ARHGAP4: variants seen among roughly 807,000 people sequenced by gnomAD.
ARHGAP4 encodes the protein rho GTPase-activating protein 4.
Under a neutral mutation model 67.6 loss-of-function variants are expected in ARHGAP4, and 25 were observed. That is an observed-to-expected ratio of 0.37 (90% CI 0.27 to 0.52). The LOEUF is 0.52. Among genes scored for constraint, ARHGAP4 ranks in the 20% least tolerant of loss-of-function variants. ARHGAP4 has a pLI of 0.92. For missense variants in ARHGAP4, 804 were observed against 854.6 expected (o/e 0.94, Z 0.74); for synonymous variants, 448 against 373.7 (o/e 1.20, Z -2.29).
chrX:153,920,846 G>C (rs782005919), intron 4 of ARHGAP4, 38 bp from the exon 5 acceptor site: 4 of 1,203,328 alleles, frequency 3.3e-6, no homozygotes, highest in Non-Finnish European at 4.5e-6. Context: ...GCTGGTGAAG[G>C]CCACGGCTGG....
rs377447314 is a variant in ARHGAP4, at chrX:153,919,239, C to T, written c.726G>A (p.Ala242=). The T allele has an allele frequency of 1.3e-4, 153 of 1,210,956 alleles. No homozygotes were observed. Among genetic ancestry groups the T allele is most frequent in the Non-Finnish European group, 1.5e-4 (137 of 895,393 alleles). ...CCAGGCTAAGCAGGTACTCGTTGCG[C>T]GCCTTTGTGCACTTGAGTTTGTGCT... is the stretch of plus-strand genomic sequence containing the variant. ...FMEHKLKCTK[A]RNEYLLSLAS... The change falls in exon 6 of 22, where the codon GCG becomes GCA. Residue 242 remains alanine (A), a synonymous_variant. Coordinates refer to ENST00000350060, the MANE Select transcript of ARHGAP4 (RefSeq NM_001666.5).
chrX:153,912,659 A>T, intron 12 of ARHGAP4, 41 bp downstream of exon 12: 1 of 1,099,348 alleles, frequency 9.1e-7, no homozygotes, highest in South Asian at 1.9e-5. Context: ...AAGAAAGATC[A>T]GCATGTACAG....
chrX:153,908,968 G>T, intron 21 of ARHGAP4, 102 bp downstream of exon 21: 1 of 878,872 alleles, frequency 1.1e-6, no homozygotes, highest in Non-Finnish European at 1.6e-6. Context: ...AGGCCAGGGA[G>T]GGCAACGACT....
chrX:153,908,478 C>T (rs1366215996), intron 21 of ARHGAP4, among the ~76,000 whole-genome samples: 2 of 112,145 alleles, frequency 1.8e-5, no homozygotes, highest in African/African-American at 6.5e-5. Flanking sequence ...ACGTTCAGCC[C>T]GACAGTGTTC....
At position 153,919,172 on chromosome X, in the gene ARHGAP4, C is replaced by T. The variant is rs1442415313; in HGVS notation, c.793G>A (p.Val265Ile). The T allele has an allele frequency of 1.7e-5, 21 of 1,210,898 alleles. No homozygotes were observed. Among genetic ancestry groups the T allele is most frequent in the African/African-American group, 3.5e-5 (2 of 57,446 alleles). Residue 265 changes from valine to isoleucine, a missense_variant, in exon 6 of 22, where the codon GTC becomes ATC. Val to Ile is a conservative substitution (Grantham distance 29). Around this residue, in one of 2 missense-constraint regions of ARHGAP4, gnomAD observed 404 missense variants for 505.9 expected, o/e 0.80. Transcript: ENST00000350060. ...AAVSNYYLHD[V>I]LDLMDCCDTG... ...GGACTCACGTCCATGAGGTCCAAGA[C>T]GTCATGCAGGTAGTAGTTACTGACA...
At chrX:153,922,003 C>T (rs2065098784) in intron 1 of ARHGAP4, 194 bp from the exon 2 acceptor site, 13 of 845,848 alleles carry the variant, frequency 1.5e-5, no homozygotes, top group South Asian at 2.8e-5. Context: ...GCAGATCTGG[C>T]CTCAGCTGTC....
chrX:153,911,832 G>C (rs953344751), intron 12 of ARHGAP4, among the ~76,000 whole-genome samples: 2 of 110,579 alleles, frequency 1.8e-5, no homozygotes, highest in Non-Finnish European at 3.8e-5. Context: ...AACCCCAGCA[G>C]GTGGGAGGTG....
chrX:153,926,217 C>T lies in ARHGAP4; in HGVS notation c.-15G>A. 2.5e-6 allele frequency: 3 copies of T among 1,182,033 alleles called. No homozygotes were observed. Among genetic ancestry groups the T allele is most frequent in the Non-Finnish European group, 3.4e-6 (3 of 880,474 alleles). On this transcript the variant is annotated 5_prime_UTR_variant, in exon 1 of 22. Coordinates refer to ENST00000350060, the MANE Select transcript of ARHGAP4 (RefSeq NM_001666.5). ...TGAGCGGCCATGGCGGCCTCGCGGC[C>T]GCGCCGTCGAACCCCACTGCTCCCA...
rs144563647 is a variant in ARHGAP4 at position 153,915,184 on chromosome X, G to A, written c.1033-1305C>T. Among the ~76,000 whole-genome samples the A allele has an allele frequency of 0.073, 7,215 of 99,408 alleles. 398 individuals are homozygous for A. The highest frequency in any genetic ancestry group is 0.18 in the African/African-American group (5,095 of 27,797). 86.3% of individuals were successfully genotyped at this position (99,408 alleles called of 115,157 possible). On this transcript the variant is annotated intron_variant, in intron 7 of 21. Transcript: ENST00000350060. ...CTGTGAGGGGCCTCAAAGGAGAGCC[G>A]TGAACTCTGTAGAGACGGACAGTGG...
chrX:153,922,663 G>A (rs1395980016), intron 1 of ARHGAP4, among the ~76,000 whole-genome samples: 7 of 112,250 alleles, frequency 6.2e-5, no homozygotes, highest in South Asian at 3.7e-4. Flanking sequence ...TGCCCGTCCC[G>A]AGTAAATAAG....
chrX:153,907,953 G>C lies in ARHGAP4; in HGVS notation c.2617C>G (p.Gln873Glu), dbSNP rs1308376426. ...QHVEVDKAVA[Q>E]NMDSVFKELL... ...TCCTTAAACACAGAGTCCATGTTCT[G>C]TGCCACAGCCTAGCGGAGGGGAAAG... The change falls in exon 22 of 22, where the codon CAG (glutamine) becomes GAG (glutamate). Residue 873 changes from glutamine to glutamate, a missense_variant. Physicochemically the swap from Gln to Glu is conservative, Grantham distance 29. This residue lies in a region of ARHGAP4 where 400 missense variants were observed against 348.7 expected (regional missense o/e 1.15). Coordinates refer to ENST00000350060, the MANE Select transcript of ARHGAP4 (RefSeq NM_001666.5). 8 of 1,130,665 alleles carry C rather than the reference G, an allele frequency of 7.1e-6. No homozygotes were observed. The highest frequency in any genetic ancestry group is 9.3e-6 in the Non-Finnish European group (8 of 856,414). The allele number at this position is 1,130,665 out of a possible 1,213,427, so 93.2% of individuals were successfully genotyped here. A position where few individuals can be genotyped will look rare whatever the true frequency, so the allele number is the denominator to read the frequency against.
intron 5 of ARHGAP4, among the ~76,000 whole-genome samples, chrX:153,919,935 C>T (rs1482935557): frequency 9.0e-5 from 10 of 110,926 alleles, no homozygotes; most frequent in Non-Finnish European, 1.7e-4. Context: ...GACAGGCACC[C>T]GCCATCATGC....
chrX:153,908,360 C>T (rs1341142494), intron 21 of ARHGAP4, among the ~76,000 whole-genome samples: 11 of 111,969 alleles, frequency 9.8e-5, no homozygotes, highest in African/African-American at 1.3e-4. Flanking sequence ...CCGTGTCTAC[C>T]GGACCCTCCC....
In ARHGAP4 at chrX:153,913,772, C is replaced by G. The variant is rs782139990; in HGVS notation, c.1134+6G>C. ...CTCCCTCTAACCCCCGGTGGGCTGC[C>G]CAGACCTCCTCTGTCTCAATGGTCT... On this transcript the variant is annotated splice_donor_region_variant and intron_variant, in intron 8 of 21. Coordinates refer to ENST00000350060, the MANE Select transcript of ARHGAP4 (RefSeq NM_001666.5). 1.2e-5 allele frequency: 15 copies of G among 1,209,483 alleles called. No homozygotes were observed. The Admixed American group carries it at 3.3e-4, about 26-fold the overall frequency.
rs1557102413 is a variant in ARHGAP4 at position 153,909,848 on chromosome X, C to G, written c.2307G>C (p.Arg769=). The G allele has an allele frequency of 2.5e-6, 3 of 1,202,613 alleles. No homozygotes were observed. The highest frequency in any genetic ancestry group is 2.2e-5 in the Admixed American group (1 of 45,000). ...GRTAQELSFR[R]GDVLRLHERA... ...TCTCGTGCAGCCGCAGTACGTCCCC[C>G]CGCCGGAAGCTCAGCTCCTGGGCTG... The change falls in exon 19 of 22, where the codon CGG becomes CGC. Residue 769 remains arginine, a synonymous_variant. Transcript: ENST00000350060.
In ARHGAP4 at chrX:153,910,403, G is replaced by C; in HGVS notation, c.1924C>G (p.Leu642Val). The change falls in exon 17 of 22, where the codon CTG becomes GTG. Residue 642 changes from leucine to valine, a missense_variant and splice_region_variant. Physicochemically the swap from Leu to Val is conservative, Grantham distance 32. Coordinates refer to ENST00000350060, the MANE Select transcript of ARHGAP4 (RefSeq NM_001666.5). ...ATGTTCTCATCGCTGTACTGGGCCA[G>C]GCTGGGGGGACACGCACATCACAAG... ...LRYLFTFLNH[L>V]AQYSDENMMD... 2 of 1,195,574 alleles carry C rather than the reference G, an allele frequency of 1.7e-6. No homozygotes were observed. Among genetic ancestry groups the C allele is most frequent in the Non-Finnish European group, 1.1e-6 (1 of 885,537 alleles).
intron 7 of ARHGAP4, among the ~76,000 whole-genome samples, chrX:153,917,262 T>G (rs1405993093): frequency 9.5e-6 from 1 of 105,405 alleles, no homozygotes; most frequent in Non-Finnish European, 1.9e-5. Context: ...ATTAAAAAAT[T>G]AGCCAGGTGT....
At chrX:153,915,076 C>T (rs1307585412) in intron 7 of ARHGAP4, among the ~76,000 whole-genome samples, 1 of 112,156 alleles carries the variant, frequency 8.9e-6, no homozygotes, top group African/African-American at 3.2e-5. Context: ...TTGAGATGGG[C>T]TCCAACATGG....
chrX:153,925,455 G>A (rs182546967), intron 1 of ARHGAP4, among the ~76,000 whole-genome samples: 1 of 112,539 alleles, frequency 8.9e-6, no homozygotes, highest in East Asian at 2.8e-4. Context: ...CTTTGCAAGA[G>A]TTACCATGCC....
Sources: gnomAD v4.1 joint callset for allele counts (sites outside exome capture counted in the v4.1 genomes callset) on GRCh38, gnomAD v4.1.1 for gene constraint, gnomAD v4.1.1 regional missense constraint, MANE v1.5 for transcripts, NCBI Gene and HGNC (gene_info 2026-07-23, HGNC 2026-07-21) for gene names.